Variants in PCLO observed in about 807,000 individuals in gnomAD.
PCLO encodes piccolo presynaptic cytomatrix protein.
A neutral mutation model predicts 427.5 loss-of-function variants in PCLO; 82 were observed. The ratio of observed to expected loss-of-function variants is 0.19; its 90% CI spans 0.16 to 0.23. The LOEUF is 0.23. PCLO is among the 10% of genes least tolerant of loss of function. PCLO has a pLI of 1.00. For synonymous variants in PCLO, 2,357 were observed against 2,155.4 expected, an observed-to-expected ratio of 1.09 and a Z score of -2.59; for missense variants, 6,239 against 6,115.9, an observed-to-expected ratio of 1.02 and a Z score of -0.67.
chr7:83,112,987 T>G (rs1791042338), intron 3 of PCLO, among the ~76,000 whole-genome samples: 1 of 152,198 alleles, frequency 6.6e-6, no homozygotes, highest in Non-Finnish European at 1.5e-5. Flanking sequence ...AGTCAAAAAA[T>G]GATAATTTTT....
At chr7:83,003,022 A>G (rs56054498) in intron 3 of PCLO, among the ~76,000 whole-genome samples, 33,622 of 151,376 alleles carry the variant, frequency 0.22, 3,821 homozygotes, top group South Asian at 0.3. Context: ...ATATACCTTA[A>G]TGGAAATATA....
intron 10 of PCLO, among the ~76,000 whole-genome samples, chr7:82,878,195 G>A (rs573920083): frequency 3.8e-4 from 58 of 152,268 alleles, no homozygotes; most frequent in Non-Finnish European, 7.1e-4. Context: ...TCTTATTGAT[G>A]TGGAGCAACC....
At chr7:82,863,101 T>A (rs1415461315) in intron 10 of PCLO, among the ~76,000 whole-genome samples, 1 of 152,042 alleles carries the variant, frequency 6.6e-6, no homozygotes, top group Admixed American at 6.6e-5. Flanking sequence ...TATGAAAACA[T>A]CTCATGTACC....
intron 10 of PCLO, among the ~76,000 whole-genome samples, chr7:82,873,819 G>GC (rs780159759): frequency 3.2e-5 from 4 of 126,850 alleles, no homozygotes; most frequent in African/African-American, 1.1e-4. Flanking sequence ...GTTCTAGATT[G>GC]GGGGGGTGGT....
intron 3 of PCLO, among the ~76,000 whole-genome samples, chr7:83,041,960 C>T (rs1242647671): frequency 1.3e-5 from 2 of 151,994 alleles, no homozygotes; most frequent in African/African-American, 4.8e-5. Flanking sequence ...CTAAAGGAGG[C>T]AATAAAAATT....
rs375149270 is a variant in PCLO, at chr7:82,954,089, A to G, written c.6864T>C (p.Thr2288=). ...CAGATATAAGTAAGTCAGTAGAAAC[A>G]GTGTCAGCAACTGGCCCTTCAGGTT... ...VPKPEGPVAD[T]VSTDLLISEK... is the part of the protein sequence containing the mutation. Residue 2288 remains threonine (T), a synonymous_variant, in exon 5 of 25, where the codon ACT becomes ACC. Coordinates refer to ENST00000333891, the MANE Select transcript of PCLO (RefSeq NM_033026.6). 3 of 1,613,782 alleles carry G rather than the reference A, an allele frequency of 1.9e-6. No individual in the cohort carries two copies. The highest frequency in any genetic ancestry group is 2.5e-6 in the Non-Finnish European group (3 of 1,179,850).
At chr7:82,978,563 T>C (rs1796074955) in intron 3 of PCLO, among the ~76,000 whole-genome samples, 1 of 152,040 alleles carries the variant, frequency 6.6e-6, no homozygotes, top group South Asian at 2.1e-4. Flanking sequence ...ATCAAAGTAA[T>C]TATATAGGAA....
Position 83,154,960 on chromosome 7 carries a change from T to C in PCLO, c.1681A>G (p.Thr561Ala), listed in dbSNP as rs760923677. The change falls in exon 2 of 25, where the codon ACA (threonine) becomes GCA (alanine). Residue 561 changes from threonine to alanine, a missense_variant. Physicochemically the swap from Thr to Ala is moderately conservative, Grantham distance 58 (BLOSUM62 0). Coordinates refer to ENST00000333891, the MANE Select transcript of PCLO (RefSeq NM_033026.6). ...AQQSTKPVSQ[T>A]GSGKPLQPPT... ...GGCTGCAGAGGTTTTCCAGATCCTG[T>C]TTGGCTTACTGGTTTTGTAGATTGC... 7 of 1,613,982 alleles carry C rather than the reference T, an allele frequency of 4.3e-6. No homozygotes were observed. The highest frequency in any genetic ancestry group is 2.2e-5 in the South Asian group (2 of 91,084).
rs1447844963 is a variant in PCLO, at chr7:82,956,637, T to C, written c.4316A>G (p.His1439Arg). The C allele has an allele frequency of 1.9e-6, 3 of 1,613,890 alleles. No homozygotes were observed. Among genetic ancestry groups the C allele is most frequent in the Non-Finnish European group, 2.5e-6 (3 of 1,179,848 alleles). ...DEKSEKKTQP[H>R]EVSPEQPKDQ... Reference sequence around the variant, plus strand: ...TTTAGGCTGTTCAGGAGAAACTTCATGGGGTTGTGTTTTCTTTTCTGACTT... The same window carrying C: ...TTTAGGCTGTTCAGGAGAAACTTCACGGGGTTGTGTTTTCTTTTCTGACTT... Residue 1439 changes from histidine (H) to arginine (R), a missense_variant, in exon 5 of 25, where the codon CAT becomes CGT. Transcript: ENST00000333891.
intron 3 of PCLO, among the ~76,000 whole-genome samples, chr7:83,125,944 C>T (rs1168471891): frequency 1.3e-5 from 2 of 151,946 alleles, no homozygotes; most frequent in East Asian, 3.9e-4. Context: ...TACTGCAGCA[C>T]TATTCACAAT....
intron 22 of PCLO, among the ~76,000 whole-genome samples, chr7:82,784,648 A>T (rs1790944880): frequency 6.6e-6 from 1 of 152,122 alleles, no homozygotes; most frequent in African/African-American, 2.4e-5. Flanking sequence ...ACCAGTCTTG[A>T]GTATTTACTG....
chr7:83,072,137 C>G (rs2116359319), intron 3 of PCLO, among the ~76,000 whole-genome samples: 1 of 152,052 alleles, frequency 6.6e-6, no homozygotes, highest in South Asian at 2.1e-4. Flanking sequence ...ATAATAGTTA[C>G]ATGATAATGA....
In PCLO at chr7:82,906,564, A is replaced by G. The variant is rs181429324; in HGVS notation, c.13437+2313T>C. ...CTTCATGTAAATAAATGTATGTTAT[A>G]GTAGAATCTATTTAGAAAAAATGAT... is the stretch of plus-strand genomic sequence containing the variant. On this transcript the variant is annotated intron_variant, in intron 8 of 24. Transcript: ENST00000333891. 7.9e-5 allele frequency among the ~76,000 whole-genome samples: 12 copies of G among 152,236 alleles called. No homozygotes were observed. The East Asian group carries it at 1.9e-3, about 25-fold the overall frequency.
At chr7:83,008,475 C>A (rs1311866085) in intron 3 of PCLO, among the ~76,000 whole-genome samples, 1 of 151,592 alleles carries the variant, frequency 6.6e-6, no homozygotes, top group East Asian at 1.9e-4. Context: ...TGGACATTAT[C>A]CCTATTTTAC....
chr7:82,949,883 T>G lies in PCLO; in HGVS notation c.10705A>C (p.Thr3569Pro). The change falls in exon 6 of 25, where the codon ACA becomes CCA. Residue 3569 changes from threonine (T) to proline (P), a missense_variant. Thr to Pro is a conservative substitution (Grantham distance 38, BLOSUM62 -1). Coordinates refer to ENST00000333891, the MANE Select transcript of PCLO (RefSeq NM_033026.6). Reference sequence around the variant, plus strand: ...CTTTGTGTGTCTGAATCTGCTTCTGTTTGACATCCTAAACTGCCCCCTTTG... The same window carrying G: ...CTTTGTGTGTCTGAATCTGCTTCTGGTTGACATCCTAAACTGCCCCCTTTG... ...TYKGGSLGCQ[T>P]EADSDTQSPQ... 6.2e-7 allele frequency: 1 copy of G among 1,613,782 alleles called. No individual in the cohort carries two copies. The highest frequency in any genetic ancestry group is 8.5e-7 in the Non-Finnish European group (1 of 1,179,840).
chr7:82,836,391 A>G (rs990363823), intron 15 of PCLO, among the ~76,000 whole-genome samples: 1 of 152,194 alleles, frequency 6.6e-6, no homozygotes, highest in African/African-American at 2.4e-5. Context: ...TGAAGTTATC[A>G]GTTTGTTGTT....
At chr7:83,106,536 T>G (rs935912295) in intron 3 of PCLO, among the ~76,000 whole-genome samples, 1 of 152,204 alleles carries the variant, frequency 6.6e-6, no homozygotes, top group Non-Finnish European at 1.5e-5. Context: ...CTCTCTTTTA[T>G]TAGCCATTTT....
intron 3 of PCLO, among the ~76,000 whole-genome samples, chr7:83,082,365 T>C (rs1790123569): frequency 6.6e-6 from 1 of 151,724 alleles, no homozygotes; most frequent in African/African-American, 2.4e-5. Flanking sequence ...GTCACAGTAA[T>C]ATAAAAATTT....
chr7:83,053,999 A>G (rs1292945068), intron 3 of PCLO, among the ~76,000 whole-genome samples: 1 of 152,024 alleles, frequency 6.6e-6, no homozygotes, highest in African/African-American at 2.4e-5. Flanking sequence ...ACAAAAGAAC[A>G]GAGACACTTG....
Sources: allele counts gnomAD v4.1 joint callset (sites outside exome capture counted in the v4.1 genomes callset), GRCh38; gene constraint gnomAD v4.1.1; transcripts MANE v1.5; gene names NCBI Gene and HGNC (gene_info 2026-07-23, HGNC 2026-07-21).